The following LDB2 variants were observed in gnomAD, a reference collection of about 807,000 sequenced individuals.
LDB2 encodes LIM domain binding 2.
In LDB2, 12 loss-of-function variants were observed where a neutral mutation model predicts 44.3. The ratio of observed to expected loss-of-function variants is 0.27; its 90% confidence interval spans 0.17 to 0.44. The LOEUF is 0.44. Among genes scored for constraint, LDB2 ranks in the 20% least tolerant of loss-of-function variants. The probability of loss-of-function intolerance (pLI) is 1.00; values close to 1 mark genes in which losing one functional copy is unlikely to be tolerated. For missense variants in LDB2, 344 were observed against 473.5 expected (o/e 0.73, Z 2.54); for synonymous variants, 164 against 174.8 (o/e 0.94, Z 0.49).
At chr4:16,716,978 A>G (rs1757185693) in intron 2 of LDB2, among the ~76,000 whole-genome samples, 1 of 152,116 alleles carries the variant, frequency 6.6e-6, no homozygotes, top group East Asian at 1.9e-4. Context: ...TTTAAAATTA[A>G]TTTGAAAAAA....
At chr4:16,665,851 T>A (rs531287335) in intron 2 of LDB2, among the ~76,000 whole-genome samples, 3 of 152,074 alleles carry the variant, frequency 2.0e-5, no homozygotes, top group African/African-American at 7.2e-5. Context: ...CAAGTCCTTA[T>A]AGGTGAAGAG....
chr4:16,566,716 AAAAG>A (rs1187034053), intron 5 of LDB2, among the ~76,000 whole-genome samples: 1 of 152,192 alleles, frequency 6.6e-6, no homozygotes, highest in Admixed American at 6.5e-5. Context: ...CAAACTTAAA[AAAAG>A]AACTTATGAG....
intron 2 of LDB2, among the ~76,000 whole-genome samples, chr4:16,653,172 G>A (rs1156396731): frequency 1.3e-5 from 2 of 152,090 alleles, no homozygotes; most frequent in African/African-American, 2.4e-5. Flanking sequence ...TCTTCCAGCT[G>A]CCCTGACTGG....
intron 2 of LDB2, among the ~76,000 whole-genome samples, chr4:16,686,244 A>G (rs540112165): frequency 4.6e-5 from 7 of 152,358 alleles, no homozygotes; most frequent in Non-Finnish European, 1.0e-4. Context: ...TATTTATCCC[A>G]TACTAAGCCA....
intron 2 of LDB2, among the ~76,000 whole-genome samples, chr4:16,716,823 T>C (rs1757156821): frequency 1.3e-5 from 2 of 152,128 alleles, no homozygotes. Context: ...TTATAGTATA[T>C]GCAGTAATTT....
intron 2 of LDB2, among the ~76,000 whole-genome samples, chr4:16,637,268 G>C (rs1733843699): frequency 7.2e-6 from 1 of 137,982 alleles, no homozygotes; most frequent in African/African-American, 2.7e-5. Flanking sequence ...AGAAAGGCTT[G>C]AATGCTCTAT....
chr4:16,656,819 A>T (rs2152533902), intron 2 of LDB2, among the ~76,000 whole-genome samples: 1 of 152,358 alleles, frequency 6.6e-6, no homozygotes, highest in East Asian at 1.9e-4. Flanking sequence ...TGGAAACAGC[A>T]TAATTTATGA....
At chr4:16,789,198 G>A (rs149979548) in intron 1 of LDB2, among the ~76,000 whole-genome samples, 232 of 152,308 alleles carry the variant, frequency 1.5e-3, no homozygotes, top group African/African-American at 5.5e-3. Flanking sequence ...ACACCAGGCA[G>A]ATGCTGGAGA....
intron 2 of LDB2, among the ~76,000 whole-genome samples, chr4:16,732,408 C>A (rs1018524806): frequency 1.3e-5 from 2 of 152,212 alleles, no homozygotes; most frequent in Non-Finnish European, 2.9e-5. Context: ...TCTTTGCCAC[C>A]ATAGCTTCAC....
intron 5 of LDB2, among the ~76,000 whole-genome samples, chr4:16,554,849 G>A (rs1394374942): frequency 6.6e-6 from 1 of 152,192 alleles, no homozygotes; most frequent in Non-Finnish European, 1.5e-5. Flanking sequence ...ATGGATTCAT[G>A]TCATTATAAA....
rs539625843 is a variant in LDB2, at chr4:16,546,725, A to G, written c.616-34621T>C. 4.7e-3 allele frequency among the ~76,000 whole-genome samples: 721 copies of G among 152,178 alleles called. 6 individuals carry two copies. The highest frequency in any genetic ancestry group is 0.016 in the African/African-American group (682 of 41,536). On this transcript the variant is annotated intron_variant, in intron 5 of 7. Transcript: ENST00000304523. The stretch of plus-strand genomic sequence containing the variant: ...TTGCCCACCACTGTGTATGTTCCAC[A>G]CTTCTCAGTGGTATTTAACCTTGCT...
intron 1 of LDB2, among the ~76,000 whole-genome samples, chr4:16,779,678 T>C (rs1367026812): frequency 2.0e-5 from 3 of 152,220 alleles, no homozygotes; most frequent in African/African-American, 7.2e-5. Context: ...CCAGCCCTAA[T>C]GCTGAGTAGT....
At chr4:16,789,423 A>G (rs1315069722) in intron 1 of LDB2, among the ~76,000 whole-genome samples, 1 of 152,246 alleles carries the variant, frequency 6.6e-6, no homozygotes, top group Non-Finnish European at 1.5e-5. Flanking sequence ...GTGAGAGAAG[A>G]AACAAAGAAA....
intron 1 of LDB2, among the ~76,000 whole-genome samples, chr4:16,870,002 C>T (rs755931377): frequency 1.3e-5 from 2 of 152,144 alleles, no homozygotes; most frequent in Admixed American, 6.5e-5. Context: ...GTGATGGTGA[C>T]ATGAGCCTAT....
At chr4:16,820,570 C>G (rs1476996246) in intron 1 of LDB2, among the ~76,000 whole-genome samples, 1 of 152,154 alleles carries the variant, frequency 6.6e-6, no homozygotes, top group Non-Finnish European at 1.5e-5. Context: ...CAGCCCCATA[C>G]CGGGCAGAGC....
rs112498329 is a variant in LDB2 at position 16,763,664 on chromosome 4, G to A, written c.133-4404C>T. ...AGGGCCCAGGGTTAATGTTAGTATC[G>A]TAATCCAGAATTTTCTAAGTGCTGT... On this transcript the variant is annotated intron_variant, in intron 1 of 7. Coordinates refer to ENST00000304523, the MANE Select transcript of LDB2 (RefSeq NM_001290.5). Among the ~76,000 whole-genome samples, 449 of 152,270 alleles carry A rather than the reference G, an allele frequency of 2.9e-3. 1 individual carries two copies. The highest frequency in any genetic ancestry group is 4.0e-3 in the Non-Finnish European group (274 of 68,028).
intron 2 of LDB2, among the ~76,000 whole-genome samples, chr4:16,700,437 T>C (rs1209291286): frequency 6.6e-6 from 1 of 152,216 alleles, no homozygotes; most frequent in Non-Finnish European, 1.5e-5. Flanking sequence ...TTCAAATATC[T>C]TAGTAAAAAA....
At chr4:16,794,783 A>G (rs1375598175) in intron 1 of LDB2, among the ~76,000 whole-genome samples, 1 of 152,200 alleles carries the variant, frequency 6.6e-6, no homozygotes, top group Non-Finnish European at 1.5e-5. Flanking sequence ...CCTATTATTA[A>G]AGTTCTCAGC....
chr4:16,718,329 A>T (rs34580190), intron 2 of LDB2, among the ~76,000 whole-genome samples: 15,327 of 152,016 alleles, frequency 0.1, 983 homozygotes, highest in Admixed American at 0.17. Flanking sequence ...ATATGTATGT[A>T]TGTGTATATA....
Sources: allele counts gnomAD v4.1 joint callset (sites outside exome capture counted in the v4.1 genomes callset), GRCh38; gene constraint gnomAD v4.1.1; transcripts MANE v1.5; gene names NCBI Gene and HGNC (gene_info 2026-07-23, HGNC 2026-07-21).